Variants in SLC51A observed in about 807,000 individuals in gnomAD.
SLC51A encodes solute carrier family 51 member A.
A neutral mutation model predicts 34.8 loss-of-function variants in SLC51A; 22 were observed. The observed-to-expected ratio is 0.63, with a 90% CI of 0.45 to 0.90. The LOEUF is 0.90. SLC51A is among the 40% of genes least tolerant of loss of function. The pLI, the probability that SLC51A is intolerant of heterozygous loss-of-function variation, is 0.00. For missense variants in SLC51A, 371 were observed against 414.8 expected (o/e 0.89, Z 0.92); for synonymous variants, 181 against 176.3 (o/e 1.03, Z -0.21).
rs1489020823 is a variant in SLC51A, at chr3:196,217,949, C to A, written c.133+13C>A. On this transcript the variant is annotated intron_variant, in intron 2 of 8. Coordinates refer to ENST00000296327, the MANE Select transcript of SLC51A (RefSeq NM_152672.6). ...CAACTCCTGAGAGGTGAGTGGGGACCCTCCTCAGAGGGAACTGAGAGGAGG... is the reference window on the plus strand; with the variant it reads ...CAACTCCTGAGAGGTGAGTGGGGACACTCCTCAGAGGGAACTGAGAGGAGG... 1.9e-6 allele frequency: 3 copies of A among 1,607,966 alleles called. No homozygotes were observed. Among genetic ancestry groups the A allele is most frequent in the Admixed American group, 1.7e-5 (1 of 59,430 alleles).
At chr3:196,229,859 G>C (rs1723990312) in intron 6 of SLC51A, 56 bp from the exon 7 acceptor site, 1 of 1,163,506 alleles carries the variant, frequency 8.6e-7, no homozygotes. Context: ...TCTTGAAAGA[G>C]AGAGAGAGAG....
chr3:196,232,889 G>C lies in SLC51A; in HGVS notation c.887-174G>C, dbSNP rs564028624. ...GCACAGAAGTAGACAGCCAACTTCC[G>C]GTTCTGGCTCTACCATTAACCCGCT... On this transcript the variant is annotated intron_variant, in intron 8 of 8. Transcript: ENST00000296327. The C allele has an allele frequency of 7.4e-6, 5 of 676,356 alleles. No homozygotes were observed. In the Admixed American group the frequency reaches 1.4e-4, roughly 18 times the overall value. The allele number at this position is 676,356 out of a possible 1,614,324, so 41.9% of individuals were successfully genotyped here. A position where few individuals can be genotyped will look rare whatever the true frequency, so the allele number is the denominator to read the frequency against.
chr3:196,224,753 A>G (rs1187026220), intron 2 of SLC51A, among the ~76,000 whole-genome samples: 6 of 34,924 alleles, frequency 1.7e-4, no homozygotes, highest in Non-Finnish European at 2.2e-4. Flanking sequence ...GAGGGGAGGG[A>G]ATGGGAGAGG....
rs755904844 is a variant in SLC51A at position 196,228,796 on chromosome 3, C to CT, written c.522-11dup. 4.9e-5 allele frequency: 79 copies of CT among 1,611,974 alleles called. No individual in the cohort carries two copies. In the African/African-American group the frequency reaches 9.6e-4, roughly 20 times the overall value. ...TTTGTGGGCCCATGTTCCTAACCCTCTTCCCCACTCAGGAAGAAGCTTCAG... is the reference window on the plus strand; with the variant it reads ...TTTGTGGGCCCATGTTCCTAACCCTCTTTCCCCACTCAGGAAGAAGCTTCAG... On this transcript the variant is annotated splice_polypyrimidine_tract_variant and intron_variant, in intron 5 of 8. Coordinates refer to ENST00000296327, the MANE Select transcript of SLC51A (RefSeq NM_152672.6). The surrounding 1 kb of genome is among the most constrained non-coding windows in gnomAD (Gnocchi z 4.9).
At chr3:196,227,297 T>C (rs1407053111) in intron 3 of SLC51A, 178 bp downstream of exon 3, 3 of 649,642 alleles carry the variant, frequency 4.6e-6, no homozygotes, top group Non-Finnish European at 2.6e-6. Flanking sequence ...TGGAAGGCTG[T>C]GCAGTGTTTG....
At chr3:196,231,537 G>A (rs1724028695) in intron 7 of SLC51A, among the ~76,000 whole-genome samples, 1 of 152,174 alleles carries the variant, frequency 6.6e-6, no homozygotes. Flanking sequence ...TGAACTTCCA[G>A]GCACATAGGA....
In SLC51A at chr3:196,228,188, A is replaced by G; in HGVS notation, c.436A>G (p.Arg146Gly). ...EGFGGKEAVL[R>G]TLRDTPMMVH... ...CTTTGGGGGGAAGGAGGCAGTGCTG[A>G]GGACGCTGAGGGACACCCCGATGAT... Residue 146 changes from arginine (R) to glycine (G), a missense_variant, in exon 5 of 9, where the codon AGG (arginine) becomes GGG (glycine). Transcript: ENST00000296327. The surrounding 1 kb of genome is among the most constrained non-coding windows in gnomAD (Gnocchi z 4.9). The G allele has an allele frequency of 6.2e-7, 1 of 1,614,084 alleles. No individual in the cohort carries two copies.
chr3:196,224,677 A>C (rs921068557), intron 2 of SLC51A, among the ~76,000 whole-genome samples: 1 of 122,492 alleles, frequency 8.2e-6, no homozygotes, highest in Non-Finnish European at 1.7e-5. Flanking sequence ...ACTTCGTTGA[A>C]AGAAGAGAAG....
In SLC51A at chr3:196,220,192, G is replaced by A. The variant is rs541581700; in HGVS notation, c.133+2256G>A. 1.4e-3 allele frequency among the ~76,000 whole-genome samples: 206 copies of A among 152,354 alleles called. 1 individual carries two copies. The highest frequency in any genetic ancestry group is 7.6e-4 in the Non-Finnish European group (52 of 68,028). On this transcript the variant is annotated intron_variant, in intron 2 of 8. Transcript: ENST00000296327. ...TGGCGGAGGAGCTGTGCTTTATCCC[G>A]CAGCGAGAAGGAGCTCGTGAAGGCT... is the stretch of plus-strand genomic sequence containing the variant.
In SLC51A at chr3:196,216,635, G is replaced by T; in HGVS notation, c.-78G>T. 1.4e-6 allele frequency: 2 copies of T among 1,416,584 alleles called. No homozygotes were observed. The highest frequency in any genetic ancestry group is 9.7e-7 in the Non-Finnish European group (1 of 1,032,656). 87.8% of individuals were successfully genotyped at this position (1,416,584 alleles called of 1,614,324 possible). ...CACCCCGGCCCAGGCAAGCCACCCTGCCCCCGGCCCCCACCTGCCCGCCCC... is the reference window on the plus strand; with the variant it reads ...CACCCCGGCCCAGGCAAGCCACCCTTCCCCCGGCCCCCACCTGCCCGCCCC... On this transcript the variant is annotated 5_prime_UTR_variant, in exon 1 of 9. Transcript: ENST00000296327. This position sits in a 1 kb window ranked among gnomAD's most constrained non-coding sequence, Gnocchi z 4.5.
At chr3:196,222,363 G>A (rs139826471) in intron 2 of SLC51A, among the ~76,000 whole-genome samples, 95 of 152,170 alleles carry the variant, frequency 6.2e-4, no homozygotes, top group East Asian at 5.4e-3. Context: ...GACCAGGCAC[G>A]GTGGCTCACA....
chr3:196,227,418 A>G (rs1723924996), intron 3 of SLC51A: 3 of 592,574 alleles, frequency 5.1e-6, no homozygotes, highest in Non-Finnish European at 6.0e-6. Flanking sequence ...GTGGTTCCTC[A>G]GAGTGTGGGG....
chr3:196,219,888 G>C (rs186233989), intron 2 of SLC51A, among the ~76,000 whole-genome samples: 1 of 152,210 alleles, frequency 6.6e-6, no homozygotes, highest in African/African-American at 2.4e-5. Flanking sequence ...CAATGAAAAC[G>C]GTTCTCACAT....
At chr3:196,221,992 A>G (rs2108753990) in intron 2 of SLC51A, among the ~76,000 whole-genome samples, 1 of 152,254 alleles carries the variant, frequency 6.6e-6, no homozygotes, top group South Asian at 2.1e-4. Flanking sequence ...TGCTGGGATG[A>G]CAGGCGTGAG....
intron 6 of SLC51A, among the ~76,000 whole-genome samples, chr3:196,229,634 C>T (rs1723983709): frequency 6.7e-6 from 1 of 149,096 alleles, no homozygotes; most frequent in African/African-American, 2.5e-5. Flanking sequence ...GCCTCTGCCT[C>T]CCAAAGTGCT....
At chr3:196,221,302 A>G (rs147758112) in intron 2 of SLC51A, among the ~76,000 whole-genome samples, 1 of 151,928 alleles carries the variant, frequency 6.6e-6, no homozygotes, top group Non-Finnish European at 1.5e-5. Flanking sequence ...TAGAAGAATG[A>G]TTGAATCAAT....
chr3:196,216,810 G>C lies in SLC51A; in HGVS notation c.38+60G>C. 1 of 1,504,796 alleles carries C rather than the reference G, an allele frequency of 6.6e-7. No homozygotes were observed. The highest frequency in any genetic ancestry group is 9.0e-7 in the Non-Finnish European group (1 of 1,111,878). 93.2% of individuals were successfully genotyped at this position (1,504,796 alleles called of 1,614,324 possible). ...GGGCAGCGGTGGCCCCTATCCCGCG[G>C]CCTGTCCTCTCTCCCTCCCAGAGCC... On this transcript the variant is annotated intron_variant, in intron 1 of 8. Transcript: ENST00000296327. The surrounding 1 kb of genome is among the most constrained non-coding windows in gnomAD (Gnocchi z 4.5).
chr3:196,227,149 G>T lies in SLC51A; in HGVS notation c.288+30G>T, dbSNP rs563927505. ...GGCCCCCGGGGCTGCCCTGTGGGGG[G>T]AACTGAAAAGAAGGCAGAGACCAAG... On this transcript the variant is annotated intron_variant, in intron 3 of 8. Coordinates refer to ENST00000296327, the MANE Select transcript of SLC51A (RefSeq NM_152672.6). 8.1e-5 allele frequency: 130 copies of T among 1,604,308 alleles called. 2 individuals carry two copies. The South Asian group carries it at 1.4e-3, about 18-fold the overall frequency.
At chr3:196,225,690 G>C (rs1723875875) in intron 2 of SLC51A, 1 of 152,184 alleles carries the variant, frequency 6.6e-6, no homozygotes, top group South Asian at 2.1e-4. Context: ...CGTTTGTTCG[G>C]AAACACATAT....
Sources: gnomAD v4.1 joint callset for allele counts (sites outside exome capture counted in the v4.1 genomes callset) on GRCh38, gnomAD v4.1.1 for gene constraint, Gnocchi (gnomAD v3.1) non-coding constraint, MANE v1.5 for transcripts, NCBI Gene and HGNC (gene_info 2026-07-23, HGNC 2026-07-21) for gene names.